Variants in L3MBTL4 observed in about 807,000 individuals in gnomAD.
L3MBTL4 encodes L3MBTL histone methyl-lysine binding protein 4.
In L3MBTL4, 70 loss-of-function variants were observed where a neutral mutation model predicts 84.5. The observed-to-expected ratio is 0.83, with a 90% confidence interval of 0.68 to 1.01. The LOEUF (loss-of-function observed/expected upper bound fraction) is 1.01, where lower values mean the gene tolerates loss of function less well. Ranked by LOEUF, L3MBTL4 falls within the 50% of genes least tolerant of loss-of-function variation. The pLI, the probability that L3MBTL4 is intolerant of heterozygous loss-of-function variation, is 0.00. For missense variants in L3MBTL4, 715 were observed against 754.8 expected (o/e 0.95, Z 0.62); for synonymous variants, 274 against 259.8 (o/e 1.05, Z -0.52).
At chr18:5,975,319 T>G (rs1213500852) in intron 16 of L3MBTL4, among the ~76,000 whole-genome samples, 2 of 152,170 alleles carry the variant, frequency 1.3e-5, no homozygotes, top group Admixed American at 1.3e-4. Flanking sequence ...GCAGTTCTAC[T>G]GTGTTCTCTG....
chr18:6,349,625 C>G (rs1259642117), intron 1 of L3MBTL4, among the ~76,000 whole-genome samples: 1 of 151,958 alleles, frequency 6.6e-6, no homozygotes, highest in African/African-American at 2.4e-5. Context: ...GAGGCTGAGG[C>G]AGGAGAATCA....
At chr18:6,137,069 C>A (rs2060048832) in intron 14 of L3MBTL4, among the ~76,000 whole-genome samples, 1 of 152,224 alleles carries the variant, frequency 6.6e-6, no homozygotes, top group Admixed American at 6.5e-5. Flanking sequence ...TTTGGTCTCT[C>A]ACTCTGCCTT....
chr18:6,387,266 T>C (rs2054862686), intron 1 of L3MBTL4, among the ~76,000 whole-genome samples: 1 of 152,188 alleles, frequency 6.6e-6, no homozygotes, highest in African/African-American at 2.4e-5. Context: ...CACTATTCCC[T>C]TGCCTACAAA....
chr18:6,346,726 C>T (rs974552704), intron 1 of L3MBTL4, among the ~76,000 whole-genome samples: 2 of 152,016 alleles, frequency 1.3e-5, no homozygotes, highest in African/African-American at 2.4e-5. Context: ...GAAAAGGGAA[C>T]CCTTGTATAC....
At chr18:6,195,586 A>G (rs975713871) in intron 12 of L3MBTL4, among the ~76,000 whole-genome samples, 1 of 152,250 alleles carries the variant, frequency 6.6e-6, no homozygotes, top group Non-Finnish European at 1.5e-5. Context: ...AAATGTCTGC[A>G]AACAGCACAC....
chr18:6,079,384 A>G (rs2057990346), intron 16 of L3MBTL4, among the ~76,000 whole-genome samples: 1 of 152,222 alleles, frequency 6.6e-6, no homozygotes, highest in Admixed American at 6.5e-5. Context: ...ATCTGATAGC[A>G]CAGACCTCTG....
intron 1 of L3MBTL4, among the ~76,000 whole-genome samples, chr18:6,409,456 G>T (rs1005382585): frequency 6.6e-6 from 1 of 152,148 alleles, no homozygotes; most frequent in Non-Finnish European, 1.5e-5. Flanking sequence ...CAGTGTTGGG[G>T]CTCTATGCTG....
At chr18:6,401,798 C>T (rs1030508373) in intron 1 of L3MBTL4, among the ~76,000 whole-genome samples, 2 of 152,156 alleles carry the variant, frequency 1.3e-5, no homozygotes, top group African/African-American at 4.8e-5. Flanking sequence ...AACGTGGGCA[C>T]AAAGGCATTA....
At chr18:6,321,266 A>C (rs2051387929) in intron 1 of L3MBTL4, among the ~76,000 whole-genome samples, 1 of 152,236 alleles carries the variant, frequency 6.6e-6, no homozygotes, top group Admixed American at 6.5e-5. Context: ...GTACAGCAAA[A>C]GGCATAATCA....
chr18:6,046,669 A>C (rs963777120), intron 16 of L3MBTL4: 57 of 740,166 alleles, frequency 7.7e-5, no homozygotes, highest in Non-Finnish European at 1.3e-4. Flanking sequence ...TAAATAACAA[A>C]ACTAAGGCAG....
chr18:6,068,968 T>C (rs370488538), intron 16 of L3MBTL4, among the ~76,000 whole-genome samples: 33 of 152,332 alleles, frequency 2.2e-4, no homozygotes, highest in South Asian at 1.9e-3. Flanking sequence ...ACAGTGATTG[T>C]TAGTGCTCTT....
intron 13 of L3MBTL4, among the ~76,000 whole-genome samples, chr18:6,161,367 GT>G (rs1217435181): frequency 1.3e-5 from 2 of 152,174 alleles, no homozygotes; most frequent in Non-Finnish European, 2.9e-5. Context: ...GAACATTTAA[GT>G]TTTCATTCTC....
chr18:6,153,879 C>A (rs1415431124), intron 13 of L3MBTL4, among the ~76,000 whole-genome samples: 2 of 152,186 alleles, frequency 1.3e-5, no homozygotes, highest in Non-Finnish European at 2.9e-5. Context: ...CTCAGCCATG[C>A]AGAACTGTGA....
At chr18:6,004,833 AG>A (rs2054389139) in intron 16 of L3MBTL4, among the ~76,000 whole-genome samples, 1 of 152,048 alleles carries the variant, frequency 6.6e-6, no homozygotes, top group Admixed American at 6.6e-5. Flanking sequence ...AGTGGTTACC[AG>A]GGCCTGCAGG....
At chr18:6,334,197 C>T (rs2052204430) in intron 1 of L3MBTL4, among the ~76,000 whole-genome samples, 2 of 152,094 alleles carry the variant, frequency 1.3e-5, no homozygotes, top group African/African-American at 4.8e-5. Flanking sequence ...AAACGTTGAC[C>T]TAAGACCATT....
At chr18:6,032,283 TAAA>T (rs56241623) in intron 16 of L3MBTL4, 7,648 of 896,738 alleles carry the variant, frequency 8.5e-3, no homozygotes, top group Middle Eastern at 9.3e-3. Context: ...GGCCTTAAAT[TAAA>T]AAAAAAAAAA....
chr18:6,307,548 T>C (rs572833005), intron 3 of L3MBTL4, among the ~76,000 whole-genome samples: 4 of 152,190 alleles, frequency 2.6e-5, no homozygotes, highest in African/African-American at 9.7e-5. Flanking sequence ...TCTTAGATAT[T>C]CTTCATCCTT....
rs571416180 is a variant in L3MBTL4, at chr18:6,101,091, A to C, written c.1200-7563T>G. 5.9e-5 allele frequency among the ~76,000 whole-genome samples: 9 copies of C among 152,210 alleles called. No homozygotes were observed. In the East Asian group the frequency reaches 1.2e-3, roughly 20 times the overall value. On this transcript the variant is annotated intron_variant, in intron 14 of 18. Coordinates refer to ENST00000317931, the MANE Select transcript of L3MBTL4 (RefSeq NM_001330559.2). ...GGTGTTTGGTCAGAGAAAGGTGGTTATTGTCTAAAGTTTCCATCTTGCTAC... is the reference window on the plus strand; with the variant it reads ...GGTGTTTGGTCAGAGAAAGGTGGTTCTTGTCTAAAGTTTCCATCTTGCTAC...
At chr18:6,229,248 G>GT (rs1270820676) in intron 10 of L3MBTL4, among the ~76,000 whole-genome samples, 2 of 152,132 alleles carry the variant, frequency 1.3e-5, no homozygotes, top group Non-Finnish European at 2.9e-5. Context: ...GAAGAATGCT[G>GT]TTTTTTATCT....
Sources: allele counts gnomAD v4.1 joint callset (sites outside exome capture counted in the v4.1 genomes callset), GRCh38; gene constraint gnomAD v4.1.1; transcripts MANE v1.5; gene names NCBI Gene and HGNC (gene_info 2026-07-23, HGNC 2026-07-21).